STK39: variants seen among roughly 807,000 people sequenced by gnomAD.
The protein encoded by STK39 is STE20/SPS1-related proline-alanine-rich protein kinase.
Under a neutral mutation model 77.8 loss-of-function variants are expected in STK39, and 20 were observed. That is an observed-to-expected ratio of 0.26 (90% confidence interval 0.18 to 0.37). The LOEUF is 0.37. STK39 is among the 10% of genes least tolerant of loss of function. STK39 has a pLI of 1.00. For missense variants in STK39, 479 were observed against 656.5 expected, an observed-to-expected ratio of 0.73 and a Z score of 2.95; for synonymous variants, 246 against 234.1, an observed-to-expected ratio of 1.05 and a Z score of -0.47.
intron 8 of STK39, among the ~76,000 whole-genome samples, chr2:168,136,242 G>A (rs867271654): frequency 2.6e-5 from 4 of 151,680 alleles, no homozygotes; most frequent in South Asian, 2.1e-4. Context: ...GGTGACACAC[G>A]CCTGTAGTCC....
intron 2 of STK39, among the ~76,000 whole-genome samples, chr2:168,179,700 T>C (rs1689037073): frequency 1.3e-5 from 2 of 152,286 alleles, no homozygotes; most frequent in South Asian, 4.2e-4. Context: ...CACCAGTCCT[T>C]AGATAGACAG....
chr2:168,001,617 A>G (rs1684004017), intron 16 of STK39, among the ~76,000 whole-genome samples: 1 of 152,222 alleles, frequency 6.6e-6, no homozygotes, highest in Non-Finnish European at 1.5e-5. Context: ...CACAATGAAT[A>G]AAAAATATAT....
At chr2:168,200,244 T>C (rs1222427925) in intron 1 of STK39, among the ~76,000 whole-genome samples, 4 of 152,184 alleles carry the variant, frequency 2.6e-5, no homozygotes, top group Admixed American at 2.6e-4. Context: ...ATGGAAATAT[T>C]AAATGCCATG....
At chr2:168,102,512 C>G (rs1686857571) in intron 10 of STK39, among the ~76,000 whole-genome samples, 1 of 152,218 alleles carries the variant, frequency 6.6e-6, no homozygotes, top group Non-Finnish European at 1.5e-5. Context: ...AGATTCTGCA[C>G]TCTCCAGAGC....
At chr2:168,109,910 TGAA>T (rs1687076981) in intron 10 of STK39, among the ~76,000 whole-genome samples, 1 of 152,262 alleles carries the variant, frequency 6.6e-6, no homozygotes, top group South Asian at 2.1e-4. Context: ...TCTACTGATT[TGAA>T]GAAGTTCTTT....
chr2:168,217,396 G>A (rs561775284), intron 1 of STK39, among the ~76,000 whole-genome samples: 29 of 152,140 alleles, frequency 1.9e-4, no homozygotes, highest in Non-Finnish European at 2.9e-4. Flanking sequence ...TTTCTTTATC[G>A]TAACCTTTAT....
chr2:168,109,415 GTTCA>G (rs1687063532), intron 10 of STK39, among the ~76,000 whole-genome samples: 2 of 152,122 alleles, frequency 1.3e-5, no homozygotes, highest in Admixed American at 1.3e-4. Flanking sequence ...CATCTATGCT[GTTCA>G]TTTTCGCTGC....
intron 14 of STK39, among the ~76,000 whole-genome samples, chr2:168,027,744 T>G (rs1255820243): frequency 6.6e-6 from 1 of 152,180 alleles, no homozygotes; most frequent in Non-Finnish European, 1.5e-5. Context: ...AACTGGAACC[T>G]CAGGCTTGAG....
At chr2:168,145,961 T>C (rs1688127015) in intron 5 of STK39, among the ~76,000 whole-genome samples, 1 of 152,172 alleles carries the variant, frequency 6.6e-6, no homozygotes, top group South Asian at 2.1e-4. Flanking sequence ...AAAATAAAGG[T>C]TCTTAGCACC....
intron 15 of STK39, among the ~76,000 whole-genome samples, chr2:168,016,409 A>AAAC (rs1684409142): frequency 6.7e-6 from 1 of 148,618 alleles, no homozygotes; most frequent in Non-Finnish European, 1.5e-5. Context: ...AAAAAAAAAA[A>AAAC]AAAACAACAC....
At chr2:167,986,770 A>G (rs1023057295) in intron 16 of STK39, among the ~76,000 whole-genome samples, 2 of 152,278 alleles carry the variant, frequency 1.3e-5, no homozygotes, top group South Asian at 4.1e-4. Context: ...TACCCATGTA[A>G]ATAAAGCTGT....
intron 5 of STK39, among the ~76,000 whole-genome samples, chr2:168,154,435 A>T (rs1163583333): frequency 2.6e-5 from 4 of 152,250 alleles, no homozygotes; most frequent in South Asian, 2.1e-4. Flanking sequence ...ACTACATACA[A>T]TCAAGTGTTA....
intron 17 of STK39, among the ~76,000 whole-genome samples, chr2:167,962,832 G>C (rs1309597192): frequency 2.0e-5 from 3 of 152,180 alleles, no homozygotes; most frequent in Admixed American, 1.3e-4. Flanking sequence ...CTAGACCAGG[G>C]GGGAGTCTGC....
intron 1 of STK39, among the ~76,000 whole-genome samples, chr2:168,206,301 T>TC (rs1156591393): frequency 1.3e-5 from 2 of 150,948 alleles, no homozygotes; most frequent in Non-Finnish European, 2.9e-5. Context: ...TTCTTTTCTT[T>TC]CTTTTTTTTT....
At chr2:168,170,080 A>T (rs1688786827) in intron 2 of STK39, among the ~76,000 whole-genome samples, 1 of 152,176 alleles carries the variant, frequency 6.6e-6, no homozygotes, top group Non-Finnish European at 1.5e-5. Context: ...TTGAGATATG[A>T]CCTATGCTAT....
intron 16 of STK39, among the ~76,000 whole-genome samples, chr2:167,965,811 AG>A (rs1289079750): frequency 6.6e-6 from 1 of 152,236 alleles, no homozygotes; most frequent in Non-Finnish European, 1.5e-5. Flanking sequence ...TTTTGAGAAA[AG>A]TGTTTCAAGT....
intron 1 of STK39, among the ~76,000 whole-genome samples, chr2:168,226,820 T>C (rs1408705512): frequency 1.3e-5 from 2 of 152,208 alleles, no homozygotes; most frequent in African/African-American, 4.8e-5. Context: ...ATAAATGCAA[T>C]ACCACTGGCC....
intron 16 of STK39, among the ~76,000 whole-genome samples, chr2:167,971,674 T>C (rs886703390): frequency 2.6e-5 from 4 of 152,198 alleles, no homozygotes; most frequent in Non-Finnish European, 5.9e-5. Flanking sequence ...TGGAAGTGCA[T>C]TTAAAAATGA....
At chr2:168,022,635 T>C (rs1684598150) in intron 14 of STK39, among the ~76,000 whole-genome samples, 1 of 152,234 alleles carries the variant, frequency 6.6e-6, no homozygotes, top group Non-Finnish European at 1.5e-5. Context: ...CACACTAATG[T>C]GTGGGCCAGA....
Sources: gnomAD v4.1 joint callset for allele counts (sites outside exome capture counted in the v4.1 genomes callset) on GRCh38, gnomAD v4.1.1 for gene constraint, MANE v1.5 for transcripts, NCBI Gene and HGNC (gene_info 2026-07-23, HGNC 2026-07-21) for gene names.